Variants in FOXK2 observed in about 807,000 individuals in gnomAD.
The protein encoded by FOXK2 is forkhead box K2.
A neutral mutation model predicts 53.3 loss-of-function variants in FOXK2; 24 were observed. The ratio of observed to expected loss-of-function variants is 0.45; its 90% CI spans 0.33 to 0.63. FOXK2 has a LOEUF of 0.63. Among genes scored for constraint, FOXK2 ranks in the 30% least tolerant of loss-of-function variants. The probability of loss-of-function intolerance (pLI) is 0.03; values close to 1 mark genes in which losing one functional copy is unlikely to be tolerated. For synonymous variants in FOXK2, 505 were observed against 407.1 expected, an observed-to-expected ratio of 1.24 and a Z score of -2.89; for missense variants, 952 against 910.5, an observed-to-expected ratio of 1.05 and a Z score of -0.59.
chr17:82,542,292 G>A (rs2044582494), intron 1 of FOXK2, among the ~76,000 whole-genome samples: 1 of 151,778 alleles, frequency 6.6e-6, no homozygotes, highest in South Asian at 2.1e-4. Flanking sequence ...CTCCCGAGTA[G>A]CTGGGATTAC....
chr17:82,575,814 C>A (rs1452491332), intron 4 of FOXK2, among the ~76,000 whole-genome samples: 1 of 152,196 alleles, frequency 6.6e-6, no homozygotes, highest in South Asian at 2.1e-4. Context: ...CTGAAACTGA[C>A]CCATGTGAAG....
At chr17:82,570,893 G>A (rs578044848) in intron 3 of FOXK2, among the ~76,000 whole-genome samples, 68 of 152,310 alleles carry the variant, frequency 4.5e-4, no homozygotes, top group Non-Finnish European at 7.9e-4. Flanking sequence ...GCCTGTCAGC[G>A]GGGCACTCAG....
intron 1 of FOXK2, among the ~76,000 whole-genome samples, chr17:82,526,894 C>T (rs1016911092): frequency 6.6e-6 from 1 of 151,334 alleles, no homozygotes; most frequent in African/African-American, 2.4e-5. Context: ...GAGTAGACAG[C>T]AGACGATGTC....
intron 4 of FOXK2, among the ~76,000 whole-genome samples, chr17:82,581,711 G>A (rs1430291529): frequency 1.3e-5 from 2 of 152,100 alleles, no homozygotes; most frequent in Admixed American, 6.6e-5. Flanking sequence ...TCCTGACCTC[G>A]TGATCCGCCC....
At position 82,601,598 on chromosome 17, in the gene FOXK2, A is replaced by G; in HGVS notation, c.*99A>G. 1.6e-6 allele frequency: 2 copies of G among 1,254,702 alleles called. No individual in the cohort carries two copies. Among genetic ancestry groups the G allele is most frequent in the Non-Finnish European group, 2.2e-6 (2 of 926,498 alleles). 77.7% of individuals were successfully genotyped at this position (1,254,702 alleles called of 1,614,324 possible). A position where few individuals can be genotyped will look rare whatever the true frequency, so the allele number is the denominator to read the frequency against. On this transcript the variant is annotated 3_prime_UTR_variant, in exon 9 of 9. Coordinates refer to ENST00000335255, the MANE Select transcript of FOXK2 (RefSeq NM_004514.4). ...CGGGGGTGCAGGGCCCTGTGGTTGG[A>G]CTTCACCTCTCAGCACTGAAAACCC... is the stretch of plus-strand genomic sequence containing the variant.
intron 1 of FOXK2, among the ~76,000 whole-genome samples, chr17:82,538,719 G>T (rs1315439583): frequency 6.6e-6 from 1 of 152,118 alleles, no homozygotes; most frequent in African/African-American, 2.4e-5. Flanking sequence ...CATCTTTCCA[G>T]CCGGGCCCTT....
At chr17:82,549,613 G>A (rs1443235251) in intron 1 of FOXK2, among the ~76,000 whole-genome samples, 1 of 151,196 alleles carries the variant, frequency 6.6e-6, no homozygotes, top group East Asian at 1.9e-4. Context: ...CAGTTGCAGT[G>A]CAGCAAATGG....
Position 82,587,131 on chromosome 17 carries a change from G to A in FOXK2, c.1645G>A (p.Ala549Thr), listed in dbSNP as rs562547496. 5 of 1,613,054 alleles carry A rather than the reference G, an allele frequency of 3.1e-6. No individual in the cohort carries two copies. Among genetic ancestry groups the A allele is most frequent in the East Asian group, 4.5e-5 (2 of 44,890 alleles). Residue 549 changes from alanine (A) to threonine (T), a missense_variant, in exon 8 of 9, where the codon GCA becomes ACA. Ala to Thr is a moderately conservative substitution (Grantham distance 58). Coordinates refer to ENST00000335255, the MANE Select transcript of FOXK2 (RefSeq NM_004514.4). The part of the protein sequence containing the change: ...LGTASRIIQT[A>T]QTTPVQTVTI... ...CACTGCCAGCCGGATCATTCAGACG[G>A]CACAGACCACCCCGGTCCAGACGGT... is the stretch of plus-strand genomic sequence containing the variant.
intron 1 of FOXK2, among the ~76,000 whole-genome samples, chr17:82,530,810 C>T (rs936711861): frequency 2.6e-5 from 4 of 152,072 alleles, no homozygotes; most frequent in Non-Finnish European, 4.4e-5. Context: ...GTCACTGTGC[C>T]CGGTCTACTG....
chr17:82,555,196 C>A (rs2044712041), intron 1 of FOXK2, among the ~76,000 whole-genome samples: 1 of 152,162 alleles, frequency 6.6e-6, no homozygotes, highest in African/African-American at 2.4e-5. Context: ...GTTGCAGGGC[C>A]AGGGAAGAGG....
At chr17:82,576,517 C>T (rs2044988039) in intron 4 of FOXK2, 2 of 595,578 alleles carry the variant, frequency 3.4e-6, no homozygotes, top group African/African-American at 1.9e-5. Context: ...AAAACAGAGT[C>T]AGTCTTTTTC....
intron 1 of FOXK2, among the ~76,000 whole-genome samples, chr17:82,540,432 T>TA (rs1393327330): frequency 3.3e-5 from 5 of 152,334 alleles, no homozygotes; most frequent in Non-Finnish European, 5.9e-5. Context: ...TATGCGTCCT[T>TA]CTGCACGTAA....
At chr17:82,583,127 G>T (rs1412547492) in intron 5 of FOXK2, among the ~76,000 whole-genome samples, 193 bp downstream of exon 5, 1 of 152,218 alleles carries the variant, frequency 6.6e-6, no homozygotes, top group African/African-American at 2.4e-5. Context: ...CATTTGAGAC[G>T]ATTTGCAAAG....
At chr17:82,564,631 A>C (rs151051617) in intron 2 of FOXK2, among the ~76,000 whole-genome samples, 1 of 151,946 alleles carries the variant, frequency 6.6e-6, no homozygotes, top group Non-Finnish European at 1.5e-5. Flanking sequence ...TAGAGAGCCC[A>C]CAGCCTGAAG....
rs139086776 is a variant in FOXK2 at position 82,527,555 on chromosome 17, C to T, written c.419+7248C>T. Among the ~76,000 whole-genome samples, 25 of 152,194 alleles carry T rather than the reference C, an allele frequency of 1.6e-4. No homozygotes were observed. The East Asian group carries it at 4.9e-3, about 30-fold the overall frequency. On this transcript the variant is annotated intron_variant, in intron 1 of 8. Coordinates refer to ENST00000335255, the MANE Select transcript of FOXK2 (RefSeq NM_004514.4). Reference sequence around the variant, plus strand: ...GAGGCAGGATAATCACTTGAACCCACAGGGTGAAGGTTGTGGTGAGCTGAG... The same window carrying T: ...GAGGCAGGATAATCACTTGAACCCATAGGGTGAAGGTTGTGGTGAGCTGAG...
At chr17:82,579,096 C>G (rs561673713) in intron 4 of FOXK2, among the ~76,000 whole-genome samples, 18 of 152,256 alleles carry the variant, frequency 1.2e-4, no homozygotes, top group Non-Finnish European at 2.2e-4. Context: ...CCTGGTAGAA[C>G]AGCGAGAGGG....
chr17:82,585,391 C>G (rs2045123096), intron 6 of FOXK2: 1 of 152,582 alleles, frequency 6.6e-6, no homozygotes, highest in Non-Finnish European at 1.5e-5. Context: ...GTGACGTGTT[C>G]TTGGCTCACT....
chr17:82,573,260 T>C (rs1439835248), intron 4 of FOXK2, among the ~76,000 whole-genome samples: 1 of 151,966 alleles, frequency 6.6e-6, no homozygotes, highest in African/African-American at 2.4e-5. Flanking sequence ...TTGGGGGTCT[T>C]TAATCATGGA....
At chr17:82,527,323 A>G (rs1412330730) in intron 1 of FOXK2, among the ~76,000 whole-genome samples, 3 of 151,760 alleles carry the variant, frequency 2.0e-5, no homozygotes, top group Admixed American at 6.6e-5. Flanking sequence ...TATTTTTGGT[A>G]GAGATAGCTT....
Sources: gnomAD v4.1 joint callset for allele counts (sites outside exome capture counted in the v4.1 genomes callset) on GRCh38, gnomAD v4.1.1 for gene constraint, MANE v1.5 for transcripts, NCBI Gene and HGNC (gene_info 2026-07-23, HGNC 2026-07-21) for gene names.